The following PLCE1 variants were observed in gnomAD, a reference collection of about 807,000 sequenced individuals.
PLCE1 encodes 1-phosphatidylinositol 4,5-bisphosphate phosphodiesterase epsilon-1.
In PLCE1, 119 loss-of-function variants were observed where a neutral mutation model predicts 242.8. The observed-to-expected ratio is 0.49, with a 90% confidence interval of 0.42 to 0.57. The LOEUF is 0.57. PLCE1 is among the 20% of genes least tolerant of loss of function. The pLI is 0.00. For synonymous variants in PLCE1, 945 were observed against 1,017.4 expected (o/e 0.93, Z 1.35); for missense variants, 2,441 against 2,788.8 (o/e 0.88, Z 2.81).
intron 2 of PLCE1, among the ~76,000 whole-genome samples, chr10:94,118,636 A>G (rs1256025852): frequency 1.3e-5 from 2 of 152,220 alleles, no homozygotes; most frequent in African/African-American, 2.4e-5. Context: ...ATAAGATGTG[A>G]CTTGCTCCTC....
At chr10:94,203,110 C>T (rs1474639505) in intron 4 of PLCE1, among the ~76,000 whole-genome samples, 4 of 152,152 alleles carry the variant, frequency 2.6e-5, no homozygotes, top group African/African-American at 9.7e-5. Flanking sequence ...TCTCAATTTA[C>T]AGGATTTGGA....
At chr10:94,030,362 C>G (rs931186448) in intron 1 of PLCE1, among the ~76,000 whole-genome samples, 1 of 151,882 alleles carries the variant, frequency 6.6e-6, no homozygotes, top group Non-Finnish European at 1.5e-5. Flanking sequence ...ATAGGGCTCA[C>G]TTCTTTTTTT....
chr10:94,254,326 A>C lies in PLCE1; in HGVS notation c.3397+19A>C, dbSNP rs1236841335. 1 of 1,530,272 alleles carries C rather than the reference A, an allele frequency of 6.5e-7. No homozygotes were observed. Among genetic ancestry groups the C allele is most frequent in the South Asian group, 1.1e-5 (1 of 89,458 alleles). The allele number at this position is 1,530,272 out of a possible 1,614,324, so 94.8% of individuals were successfully genotyped here. On this transcript the variant is annotated intron_variant, in intron 10 of 32. Coordinates refer to ENST00000371380, the MANE Select transcript of PLCE1 (RefSeq NM_016341.4). ...GAATCAGGTAAAGCGGCATGTTTAC[A>C]TCTGAGATTTTTGTTTTTTAATTTT...
chr10:94,129,986 C>A (rs2135883107), intron 2 of PLCE1, among the ~76,000 whole-genome samples: 1 of 152,280 alleles, frequency 6.6e-6, no homozygotes, highest in East Asian at 1.9e-4. Flanking sequence ...TGAGTTGTCT[C>A]CCCAGCTGCT....
chr10:94,208,890 T>C (rs886728668), intron 4 of PLCE1, among the ~76,000 whole-genome samples: 2 of 152,210 alleles, frequency 1.3e-5, no homozygotes, highest in Non-Finnish European at 2.9e-5. Context: ...AGAACCAAAC[T>C]AATCGTCGCC....
intron 16 of PLCE1, among the ~76,000 whole-genome samples, chr10:94,267,323 A>T (rs1019574930): frequency 6.6e-6 from 1 of 152,160 alleles, no homozygotes; most frequent in Non-Finnish European, 1.5e-5. Context: ...TTTGACTTCA[A>T]ACAGTTTTTA....
intron 1 of PLCE1, among the ~76,000 whole-genome samples, chr10:94,011,729 A>G (rs2061171759): frequency 6.6e-6 from 1 of 152,200 alleles, no homozygotes; most frequent in African/African-American, 2.4e-5. Context: ...TCAGCCCCTG[A>G]AAATATAACC....
chr10:94,244,442 G>T (rs933294209), intron 7 of PLCE1, among the ~76,000 whole-genome samples: 3 of 152,112 alleles, frequency 2.0e-5, no homozygotes, highest in African/African-American at 4.8e-5. Flanking sequence ...TGAGACTCTT[G>T]GGCAGGTTCC....
chr10:94,041,325 G>A (rs2061764285), intron 2 of PLCE1, among the ~76,000 whole-genome samples: 1 of 152,098 alleles, frequency 6.6e-6, no homozygotes, highest in African/African-American at 2.4e-5. Flanking sequence ...TCCTCCGCCT[G>A]ACCCTCAGAG....
chr10:93,999,216 A>G (rs2060886447), intron 1 of PLCE1, among the ~76,000 whole-genome samples: 1 of 152,180 alleles, frequency 6.6e-6, no homozygotes. Flanking sequence ...ATTTAGTAAG[A>G]GCTTCGTACT....
chr10:94,180,874 C>T (rs970719135), intron 4 of PLCE1, among the ~76,000 whole-genome samples: 2 of 152,248 alleles, frequency 1.3e-5, no homozygotes, highest in Non-Finnish European at 2.9e-5. Flanking sequence ...CACCAGACAA[C>T]TGAAATTGTT....
chr10:94,270,862 G>A (rs1003408865), intron 18 of PLCE1, among the ~76,000 whole-genome samples: 5 of 152,086 alleles, frequency 3.3e-5, no homozygotes, highest in African/African-American at 1.2e-4. Flanking sequence ...TAGAGATGAG[G>A]TTTCGCCATG....
At chr10:94,190,178 G>C (rs1464281728) in intron 4 of PLCE1, among the ~76,000 whole-genome samples, 3 of 152,226 alleles carry the variant, frequency 2.0e-5, no homozygotes, top group Non-Finnish European at 4.4e-5. Context: ...TACTCAGGAG[G>C]CTGAGGTGGG....
intron 26 of PLCE1, among the ~76,000 whole-genome samples, 170 bp from the exon 27 acceptor site, chr10:94,308,411 G>T (rs919627940): frequency 2.0e-5 from 3 of 152,208 alleles, no homozygotes; most frequent in African/African-American, 7.2e-5. Context: ...TTGCCATTGG[G>T]TAACTCAGGG....
intron 1 of PLCE1, among the ~76,000 whole-genome samples, chr10:93,999,648 G>A (rs1223589): frequency 0.26 from 39,880 of 152,028 alleles, 6,132 homozygotes; most frequent in East Asian, 0.49. Context: ...GCCCGAAGCC[G>A]TGGGAGCAGT....
rs945632666 is a variant in PLCE1, at chr10:94,306,361, G to A, written c.5623-66G>A. ...ATTCCTTTGCAGAGGGAAGCAGTGA[G>A]GTGCAGAGGTTGTCTTTCTTTTTTA... On this transcript the variant is annotated intron_variant, in intron 25 of 32. Transcript: ENST00000371380. This position sits in a 1 kb window ranked among gnomAD's most constrained non-coding sequence, Gnocchi z 5.7. The A allele has an allele frequency of 3.7e-6, 6 of 1,613,270 alleles. No homozygotes were observed. In the Admixed American group the frequency reaches 1.0e-4, roughly 27 times the overall value.
chr10:94,170,474 T>C (rs1249076965), intron 3 of PLCE1, among the ~76,000 whole-genome samples: 1 of 152,244 alleles, frequency 6.6e-6, no homozygotes, highest in Non-Finnish European at 1.5e-5. Flanking sequence ...TCTCATGAAC[T>C]GCCACCTTCT....
chr10:94,217,140 G>C (rs1378622097), intron 4 of PLCE1, among the ~76,000 whole-genome samples: 1 of 151,460 alleles, frequency 6.6e-6, no homozygotes. Flanking sequence ...TGTAACCTTG[G>C]GCAAGCTAGT....
At chr10:94,241,476 A>C (rs1373448215) in intron 7 of PLCE1, among the ~76,000 whole-genome samples, 2 of 152,194 alleles carry the variant, frequency 1.3e-5, no homozygotes, top group Non-Finnish European at 2.9e-5. Context: ...TAGGACATGG[A>C]GAATGTGGAA....
Sources: gnomAD v4.1 joint callset for allele counts (sites outside exome capture counted in the v4.1 genomes callset) on GRCh38, gnomAD v4.1.1 for gene constraint, Gnocchi (gnomAD v3.1) non-coding constraint, MANE v1.5 for transcripts, NCBI Gene and HGNC (gene_info 2026-07-23, HGNC 2026-07-21) for gene names.